CHD9: variants seen among roughly 807,000 people sequenced by gnomAD.
CHD9 encodes ATP-dependent chromatin remodeler CHD9.
CHD9 carries 77 observed loss-of-function variants against 316.1 expected under a neutral mutation model. That is an observed-to-expected ratio of 0.24 (90% CI 0.20 to 0.29). The LOEUF (loss-of-function observed/expected upper bound fraction) is 0.29, where lower values mean the gene tolerates loss of function less well. Among genes scored for constraint, CHD9 ranks in the 10% least tolerant of loss-of-function variants. CHD9 has a pLI of 1.00. For synonymous variants in CHD9, 1,129 were observed against 1,158.3 expected (o/e 0.97, Z 0.51); for missense variants, 2,763 against 3,438.1 (o/e 0.80, Z 4.91).
chr16:53,131,862 C>T (rs2152683715), intron 1 of CHD9, among the ~76,000 whole-genome samples: 1 of 152,302 alleles, frequency 6.6e-6, no homozygotes, highest in South Asian at 2.1e-4. Flanking sequence ...ATCCTTCACC[C>T]CGAGTGCCTC....
intron 1 of CHD9, among the ~76,000 whole-genome samples, chr16:53,104,917 C>T (rs1442936585): frequency 1.3e-5 from 2 of 151,946 alleles, no homozygotes; most frequent in African/African-American, 4.8e-5. Context: ...ACCTTGAGCC[C>T]CGAACGCCTG....
intron 1 of CHD9, 113 bp from the exon 2 acceptor site, chr16:53,155,813 G>A (rs779089387): frequency 1.4e-5 from 5 of 366,788 alleles, no homozygotes; most frequent in Admixed American, 4.5e-5. Flanking sequence ...TATAATATGT[G>A]GTATTTTGTG....
rs777954698 is a variant in CHD9, at chr16:53,291,804, A to G, written c.5290+37A>G. 1.4e-5 allele frequency: 17 copies of G among 1,254,656 alleles called. 1 individual carries two copies. In the South Asian group the frequency reaches 2.5e-4, roughly 19 times the overall value. 77.7% of individuals were successfully genotyped at this position (1,254,656 alleles called of 1,614,324 possible). ...GTACTTCTGTACTTAGTATTATTGT[A>G]AATTCACATTCTAATCATACCATGA... is the stretch of plus-strand genomic sequence containing the variant. On this transcript the variant is annotated intron_variant, in intron 28 of 38. Coordinates refer to ENST00000447540, the MANE Select transcript of CHD9 (RefSeq NM_001308319.2).
At chr16:53,142,928 G>A (rs2040235498) in intron 1 of CHD9, among the ~76,000 whole-genome samples, 1 of 152,160 alleles carries the variant, frequency 6.6e-6, no homozygotes, top group African/African-American at 2.4e-5. Context: ...TCACAAGAAG[G>A]CCCTCTGATG....
chr16:53,089,066 C>T (rs1433513732), intron 1 of CHD9, among the ~76,000 whole-genome samples: 1 of 151,762 alleles, frequency 6.6e-6, no homozygotes, highest in Non-Finnish European at 1.5e-5. Context: ...GAGCCGAGAT[C>T]GTGCCACTGC....
At chr16:53,172,035 G>C (rs1053490444) in intron 2 of CHD9, among the ~76,000 whole-genome samples, 1 of 151,972 alleles carries the variant, frequency 6.6e-6, no homozygotes, top group Non-Finnish European at 1.5e-5. Flanking sequence ...GCTTTATGGA[G>C]ATAAAATGGA....
intron 1 of CHD9, among the ~76,000 whole-genome samples, chr16:53,069,119 C>CCAGGT (rs2033782632): frequency 6.6e-6 from 1 of 152,146 alleles, no homozygotes; most frequent in Non-Finnish European, 1.5e-5. Flanking sequence ...TTCTCCTTGC[C>CCAGGT]TCAGCCTCCA....
intron 27 of CHD9, among the ~76,000 whole-genome samples, 152 bp downstream of exon 27, chr16:53,288,166 A>G (rs946585527): frequency 2.0e-5 from 3 of 152,202 alleles, no homozygotes; most frequent in Non-Finnish European, 4.4e-5. Flanking sequence ...TGGGTTGACA[A>G]ACATCTCAAA....
At position 53,227,556 on chromosome 16, in the gene CHD9, TG is replaced by T; in HGVS notation, c.2123del (p.Gly708GlufsTer2). 1 of 1,440,340 alleles carries T rather than the reference TG, an allele frequency of 6.9e-7. No individual in the cohort carries two copies. The highest frequency in any genetic ancestry group is 9.4e-7 in the Non-Finnish European group (1 of 1,069,492). The allele number at this position is 1,440,340 out of a possible 1,614,324, so 89.2% of individuals were successfully genotyped here. A position where few individuals can be genotyped will look rare whatever the true frequency, so the allele number is the denominator to read the frequency against. Reference protein sequence around the residue: ...SRTVKKEISPGVMIDTEEFFV... With the variant: ...SRTVKKEISPXVMIDTEEFFV... ...TGATTTTCTTTTCTTAGATATCACC[TG>T]GAGTGATGATTGATACAGAAGAATT... On this transcript the variant is annotated frameshift_variant, in exon 7 of 39. Transcript: ENST00000447540. LOFTEE classifies it high-confidence loss of function.
At chr16:53,287,911 C>T (rs1452077942) in intron 26 of CHD9, 46 bp from the exon 27 acceptor site, 1 of 1,445,040 alleles carries the variant, frequency 6.9e-7, no homozygotes, top group Admixed American at 1.7e-5. Context: ...CAAGTGAAAT[C>T]TTAAGTCCAT....
chr16:53,088,973 A>G (rs2035703303), intron 1 of CHD9, among the ~76,000 whole-genome samples: 1 of 152,056 alleles, frequency 6.6e-6, no homozygotes. Context: ...TTAGCTGAGC[A>G]TGGTGATGCG....
At chr16:53,247,605 C>A (rs140899133) in intron 16 of CHD9, 102 bp downstream of exon 16, 243 of 816,386 alleles carry the variant, frequency 3.0e-4, no homozygotes, top group Middle Eastern at 9.8e-4. Context: ...TTTCTCTTTG[C>A]TAGATTAGAA....
chr16:53,140,619 G>A (rs189533507), intron 1 of CHD9, among the ~76,000 whole-genome samples: 7 of 152,154 alleles, frequency 4.6e-5, no homozygotes, highest in African/African-American at 1.2e-4. Flanking sequence ...ACAGAGTCTC[G>A]CTCATCTCCT....
At position 53,307,444 on chromosome 16, in the gene CHD9, G is replaced by C. The variant is rs116490259; in HGVS notation, c.6781-237G>C. On this transcript the variant is annotated intron_variant, in intron 32 of 38. Transcript: ENST00000447540. ...GGCCTCCCAAAGTGCTGGGATTACA[G>C]ACAGGTGTGAGCCACCACGCCTGCT... Among the ~76,000 whole-genome samples the C allele has an allele frequency of 2.6e-3, 395 of 152,026 alleles. 1 individual carries two copies. The highest frequency in any genetic ancestry group is 9.1e-3 in the African/African-American group (376 of 41,474).
At chr16:53,168,863 A>T (rs2042467180) in intron 2 of CHD9, 1 of 152,178 alleles carries the variant, frequency 6.6e-6, no homozygotes, top group South Asian at 2.1e-4. Context: ...CAGCCTCCTG[A>T]GTAGGTAGAA....
intron 1 of CHD9, among the ~76,000 whole-genome samples, chr16:53,093,324 C>T (rs925300434): frequency 6.6e-6 from 1 of 152,182 alleles, no homozygotes; most frequent in Non-Finnish European, 1.5e-5. Context: ...AACAATAGTA[C>T]CCCCATTTAT....
chr16:53,204,735 A>G (rs1205871013), intron 2 of CHD9, among the ~76,000 whole-genome samples: 2 of 152,178 alleles, frequency 1.3e-5, no homozygotes, highest in African/African-American at 2.4e-5. Flanking sequence ...TATCAAAATA[A>G]CATATCACAT....
In CHD9 at chr16:53,229,087, A is replaced by AT; in HGVS notation, c.2280dup (p.Ala761CysfsTer9). 7 of 1,571,006 alleles carry AT rather than the reference A, an allele frequency of 4.5e-6. No individual in the cohort carries two copies. The highest frequency in any genetic ancestry group is 1.8e-5 in the Admixed American group (1 of 56,522). ...AAATTGAGACAAGCACAAAGAGCAC[A>AT]TTTTTTTGCAGACGTAAGAAAAAAA... On this transcript the variant is annotated frameshift_variant, in exon 8 of 39. Transcript: ENST00000447540. LOFTEE classifies it high-confidence loss of function.
chr16:53,063,625 G>A lies in CHD9; in HGVS notation c.-165+8548G>A, dbSNP rs939827461. Among the ~76,000 whole-genome samples the A allele has an allele frequency of 3.3e-5, 5 of 151,836 alleles. No individual in the cohort carries two copies. In the East Asian group the frequency reaches 5.8e-4, roughly 18 times the overall value. ...TTGGCTCACTGCAAGCTCCGCCTTC[G>A]GGTTCACGCCATTCTCCTGCCTCAG... is the stretch of plus-strand genomic sequence containing the variant. On this transcript the variant is annotated intron_variant, in intron 1 of 38. Transcript: ENST00000447540.
Sources: allele counts gnomAD v4.1 joint callset (sites outside exome capture counted in the v4.1 genomes callset), GRCh38; gene constraint gnomAD v4.1.1; transcripts MANE v1.5; gene names NCBI Gene and HGNC (gene_info 2026-07-23, HGNC 2026-07-21).